C12orf42: variants seen among roughly 807,000 people sequenced by gnomAD.
C12orf42 encodes the protein uncharacterized protein C12orf42.
A neutral mutation model predicts 21.6 loss-of-function variants in C12orf42; 25 were observed. The ratio of observed to expected loss-of-function variants is 1.16; its 90% CI spans 0.84 to 1.62. The LOEUF (loss-of-function observed/expected upper bound fraction) is 1.62, where lower values mean the gene tolerates loss of function less well. Among genes scored for constraint, C12orf42 ranks in the 40% most tolerant of loss-of-function variants. The pLI, the probability that C12orf42 is intolerant of heterozygous loss-of-function variation, is 0.00. For missense variants in C12orf42, 483 were observed against 459.3 expected, an observed-to-expected ratio of 1.05 and a Z score of -0.47; for synonymous variants, 174 against 175.0, an observed-to-expected ratio of 0.99 and a Z score of 0.05.
At chr12:103,177,565 G>T in the C12orf42 span, among the ~76,000 whole-genome samples, 79,794 of 151,998 alleles carry the variant, frequency 0.52, 21,169 homozygotes, top group East Asian at 0.7. Context: ...AAATCATTGT[G>T]AAAGCATAGA....
intron 2 of C12orf42, among the ~76,000 whole-genome samples, chr12:103,414,524 G>C (rs573588171): frequency 1.6e-4 from 24 of 152,236 alleles, no homozygotes; most frequent in African/African-American, 5.8e-4. Flanking sequence ...CAATCTATGA[G>C]CATGGAATAT....
the C12orf42 span, among the ~76,000 whole-genome samples, chr12:103,076,338 A>G: frequency 6.6e-6 from 1 of 150,698 alleles, no homozygotes; most frequent in African/African-American, 2.4e-5. Flanking sequence ...ACGTTCTAGG[A>G]CATTTGTTGG....
chr12:103,401,591 C>A lies in C12orf42; in HGVS notation c.147+16G>T, dbSNP rs759857795. ...CACTATGGAGCAGCCCTGCACATAA[C>A]ATTCCGCTGACTCACCTTTGCACTG... is the stretch of plus-strand genomic sequence containing the variant. On this transcript the variant is annotated intron_variant, in intron 3 of 5. Coordinates refer to ENST00000548883, the MANE Select transcript of C12orf42 (RefSeq NM_198521.5). The A allele has an allele frequency of 1.2e-5, 19 of 1,612,582 alleles. No homozygotes were observed. In the South Asian group the frequency reaches 1.9e-4, roughly 16 times the overall value.
At position 103,470,366 on chromosome 12, in the gene C12orf42, C is replaced by T. The variant is rs117198514; in HGVS notation, c.78+7983G>A. 2.1e-4 allele frequency among the ~76,000 whole-genome samples: 32 copies of T among 152,182 alleles called. No homozygotes were observed. The East Asian group carries it at 6.0e-3, about 28-fold the overall frequency. On this transcript the variant is annotated intron_variant, in intron 2 of 5. Transcript: ENST00000548883. ...TATCACTAGGAAGCTCAGTCCATTC[C>T]GAAGATATCTCAAGAGACCATCTAT...
chr12:103,229,532 T>A, the C12orf42 span, among the ~76,000 whole-genome samples: 52 of 152,338 alleles, frequency 3.4e-4, no homozygotes, highest in East Asian at 1.9e-3. Flanking sequence ...TATACATTAG[T>A]CTAGTCTTAC....
chr12:103,324,780 C>G (rs971231117), intron 4 of C12orf42, among the ~76,000 whole-genome samples: 1 of 152,142 alleles, frequency 6.6e-6, no homozygotes, highest in African/African-American at 2.4e-5. Context: ...AAGACTAATA[C>G]AGAATTATTT....
chr12:103,359,766 A>G (rs1231562457), intron 4 of C12orf42, among the ~76,000 whole-genome samples: 1 of 151,958 alleles, frequency 6.6e-6, no homozygotes, highest in African/African-American at 2.4e-5. Flanking sequence ...CTTCCTCAAA[A>G]GGCATATTCC....
chr12:103,152,249 T>C, the C12orf42 span, among the ~76,000 whole-genome samples: 15 of 152,202 alleles, frequency 9.9e-5, no homozygotes, highest in Non-Finnish European at 1.9e-4. Flanking sequence ...GAGTATCCAG[T>C]TGAACCCTGC....
intron 2 of C12orf42, among the ~76,000 whole-genome samples, chr12:103,455,348 A>G (rs747686299): frequency 6.6e-6 from 1 of 152,108 alleles, no homozygotes; most frequent in Non-Finnish European, 1.5e-5. Context: ...CCAGTTCTGG[A>G]GTGATGCTGT....
chr12:103,375,319 T>C (rs1226982767), intron 3 of C12orf42, among the ~76,000 whole-genome samples: 1 of 152,216 alleles, frequency 6.6e-6, no homozygotes, highest in African/African-American at 2.4e-5. Flanking sequence ...CAGCTCTAGA[T>C]GTACTAAAAT....
chr12:103,142,567 CAGAG>C, the C12orf42 span, among the ~76,000 whole-genome samples: 1 of 150,542 alleles, frequency 6.6e-6, no homozygotes, highest in Non-Finnish European at 1.5e-5. Flanking sequence ...TTAAGTGCAT[CAGAG>C]AGAGAGAGAG....
the C12orf42 span, among the ~76,000 whole-genome samples, chr12:103,530,423 G>A: frequency 1.3e-5 from 2 of 152,232 alleles, no homozygotes; most frequent in Non-Finnish European, 2.9e-5. Context: ...CTCCCAGCAG[G>A]AGCTGACCCA....
chr12:103,179,446 A>G, the C12orf42 span, among the ~76,000 whole-genome samples: 1 of 152,228 alleles, frequency 6.6e-6, no homozygotes, highest in African/African-American at 2.4e-5. Flanking sequence ...CAAGTGAGAA[A>G]GAAATTTCTG....
chr12:103,290,032 G>A (rs1401260858), intron 4 of C12orf42, among the ~76,000 whole-genome samples: 3 of 152,142 alleles, frequency 2.0e-5, no homozygotes, highest in South Asian at 2.1e-4. Flanking sequence ...CTGGGTTAGT[G>A]ACATGCATGC....
intron 2 of C12orf42, among the ~76,000 whole-genome samples, chr12:103,406,851 A>G (rs557341387): frequency 1.6e-4 from 25 of 152,294 alleles, no homozygotes; most frequent in South Asian, 1.0e-3. Flanking sequence ...AAAGAAAAAA[A>G]AAATCCAGTT....
At chr12:103,162,070 G>A in the C12orf42 span, among the ~76,000 whole-genome samples, 1 of 152,114 alleles carries the variant, frequency 6.6e-6, no homozygotes, top group Non-Finnish European at 1.5e-5. Context: ...GCAGCTAGTA[G>A]GGTTTATTGC....
intron 10 of C12orf42, among the ~76,000 whole-genome samples, chr12:103,257,549 A>C (rs2136214937): frequency 6.6e-6 from 1 of 152,290 alleles, no homozygotes; most frequent in South Asian, 2.1e-4. Flanking sequence ...TGAGAACTGA[A>C]GTGATAGAAA....
intron 5 of C12orf42, among the ~76,000 whole-genome samples, chr12:103,276,344 C>A (rs1205767922): frequency 6.6e-6 from 1 of 152,120 alleles, no homozygotes; most frequent in Admixed American, 6.5e-5. Context: ...AATTATTATT[C>A]TTCCTAGTGT....
At chr12:103,321,988 A>C (rs2040181684) in intron 4 of C12orf42, among the ~76,000 whole-genome samples, 1 of 152,182 alleles carries the variant, frequency 6.6e-6, no homozygotes, top group South Asian at 2.1e-4. Flanking sequence ...CACAATGTGC[A>C]CATGTACCCT....
Sources: gnomAD v4.1 joint callset for allele counts (sites outside exome capture counted in the v4.1 genomes callset) on GRCh38, gnomAD v4.1.1 for gene constraint, MANE v1.5 for transcripts, NCBI Gene and HGNC (gene_info 2026-07-23, HGNC 2026-07-21) for gene names.